The following BRAF variants were observed in gnomAD, a reference collection of about 807,000 sequenced individuals.
BRAF encodes serine/threonine-protein kinase B-raf.
Under a neutral mutation model 104.6 loss-of-function variants are expected in BRAF, and 16 were observed. That is an observed-to-expected ratio of 0.15 (90% CI 0.10 to 0.23). The LOEUF is 0.23. Ranked by LOEUF, BRAF falls within the 10% of genes least tolerant of loss-of-function variation. The probability of loss-of-function intolerance (pLI) is 1.00; values close to 1 mark genes in which losing one functional copy is unlikely to be tolerated. For missense variants in BRAF, 541 were observed against 937.3 expected (o/e 0.58, Z 5.52); for synonymous variants, 310 against 341.6 (o/e 0.91, Z 1.02).
At chr7:140,782,972 C>T (rs1402242281) in intron 11 of BRAF, 49 bp downstream of exon 10, 1 of 1,600,024 alleles carries the variant, frequency 6.2e-7, no homozygotes, top group Admixed American at 1.7e-5. Flanking sequence ...TTGGCTGTGA[C>T]TTCTAAGAAG....
intron 14 of BRAF, among the ~76,000 whole-genome samples, chr7:140,756,982 C>T (rs1412604955): frequency 4.6e-5 from 7 of 152,140 alleles, no homozygotes; most frequent in African/African-American, 7.2e-5. Flanking sequence ...TACTTCAGAT[C>T]GGATCTAACC....
chr7:140,726,566 CTA>C (rs1174090271), intron 19 of BRAF: 1 of 1,429,326 alleles, frequency 7.0e-7, no homozygotes, highest in Non-Finnish European at 9.5e-7. Flanking sequence ...CTCAAATAAC[CTA>C]GAGACACAGA....
chr7:140,813,292 A>AC (rs1341136330), intron 3 of BRAF, among the ~76,000 whole-genome samples: 3 of 152,176 alleles, frequency 2.0e-5, no homozygotes, highest in Non-Finnish European at 4.4e-5. Context: ...ACATATGAAA[A>AC]CATGTTCAGT....
intron 3 of BRAF, among the ~76,000 whole-genome samples, chr7:140,821,027 G>T (rs1425156076): frequency 6.6e-6 from 1 of 152,118 alleles, no homozygotes; most frequent in East Asian, 1.9e-4. Context: ...TTAAGACAGG[G>T]ACTCACTCAG....
At chr7:140,881,260 ACTT>A (rs1179753193) in intron 1 of BRAF, among the ~76,000 whole-genome samples, 19 of 152,178 alleles carry the variant, frequency 1.2e-4, no homozygotes, top group Non-Finnish European at 2.8e-4. Context: ...ACTGACTTCA[ACTT>A]AAAGTCACCA....
intron 8 of BRAF, among the ~76,000 whole-genome samples, chr7:140,791,830 A>T (rs1025046528): frequency 6.6e-6 from 1 of 152,192 alleles, no homozygotes; most frequent in Non-Finnish European, 1.5e-5. Context: ...TCTACTTCTC[A>T]TATTTTTCAC....
intron 1 of BRAF, among the ~76,000 whole-genome samples, chr7:140,895,568 A>G (rs1814785204): frequency 6.6e-6 from 1 of 152,184 alleles, no homozygotes; most frequent in Non-Finnish European, 1.5e-5. Flanking sequence ...AAATCTCCCC[A>G]GAGCTTCCAC....
chr7:140,899,610 T>G (rs1300191129), intron 1 of BRAF, among the ~76,000 whole-genome samples: 1 of 152,236 alleles, frequency 6.6e-6, no homozygotes, highest in African/African-American at 2.4e-5. Context: ...TTAAGGGTCA[T>G]TTCATATGTT....
intron 14 of BRAF, among the ~76,000 whole-genome samples, chr7:140,770,284 CCTT>C (rs1190667462): frequency 6.6e-6 from 1 of 151,882 alleles, no homozygotes; most frequent in Non-Finnish European, 1.5e-5. Flanking sequence ...TTTAATTAGT[CCTT>C]CTATCTTCAA....
chr7:140,720,770 AC>A lies in BRAF; in HGVS notation c.*5723del. 1 of 1,066,062 alleles carries A rather than the reference AC, an allele frequency of 9.4e-7. No individual in the cohort carries two copies. The highest frequency in any genetic ancestry group is 5.0e-5 in the East Asian group (1 of 20,168). 66.0% of individuals were successfully genotyped at this position (1,066,062 alleles called of 1,614,324 possible). The stretch of plus-strand genomic sequence containing the variant: ...TCCAACTCATACTCCACCAAAACAC[AC>A]GTGGGTTCAAAAACTTAACACAAAA... On this transcript the variant is annotated 3_prime_UTR_variant, in exon 20 of 20. Coordinates refer to ENST00000644969, the MANE Select transcript of BRAF (RefSeq NM_001374258.1).
In BRAF at chr7:140,790,994, G is replaced by A. The variant is rs191249598; in HGVS notation, c.1140+3314C>T. Among the ~76,000 whole-genome samples the A allele has an allele frequency of 2.2e-3, 341 of 152,224 alleles. No individual in the cohort carries two copies. The highest frequency in any genetic ancestry group is 3.9e-3 in the Non-Finnish European group (262 of 67,992). ...CGGGAGCCTGTAATCGCAGCTACTC[G>A]AGAGGCTGAGGCAGGAGAATTGCTT... On this transcript the variant is annotated intron_variant, in intron 8 of 19. Coordinates refer to ENST00000644969, the MANE Select transcript of BRAF (RefSeq NM_001374258.1).
chr7:140,844,709 T>C (rs993520084), intron 2 of BRAF, among the ~76,000 whole-genome samples: 37 of 152,272 alleles, frequency 2.4e-4, no homozygotes, highest in African/African-American at 8.9e-4. Context: ...GTGGATCACT[T>C]GAGGTCAGGA....
Position 140,719,589 on chromosome 7 carries a change from A to C in BRAF, c.*6905T>G. 1 of 1,059,572 alleles carries C rather than the reference A, an allele frequency of 9.4e-7. No individual in the cohort carries two copies. The highest frequency in any genetic ancestry group is 1.1e-6 in the Non-Finnish European group (1 of 874,878). The allele number at this position is 1,059,572 out of a possible 1,614,324, so 65.6% of individuals were successfully genotyped here. A position where few individuals can be genotyped will look rare whatever the true frequency, so the allele number is the denominator to read the frequency against. Reference sequence around the variant, plus strand: ...GGGACCTGAGCAGGAAAGAGAACCAAAGTATCAGGAAGTGGGTATGGGGGA... The same window carrying C: ...GGGACCTGAGCAGGAAAGAGAACCACAGTATCAGGAAGTGGGTATGGGGGA... On this transcript the variant is annotated 3_prime_UTR_variant, in exon 20 of 20. Coordinates refer to ENST00000644969, the MANE Select transcript of BRAF (RefSeq NM_001374258.1).
At chr7:140,864,409 C>A (rs1324851234) in intron 1 of BRAF, among the ~76,000 whole-genome samples, 1 of 152,128 alleles carries the variant, frequency 6.6e-6, no homozygotes, top group Non-Finnish European at 1.5e-5. Context: ...AGCATTATGT[C>A]ACCAACAGGA....
At chr7:140,751,658 AATACAGATCTT>A (rs1225936036) in intron 16 of BRAF, among the ~76,000 whole-genome samples, 16 of 152,174 alleles carry the variant, frequency 1.1e-4, no homozygotes, top group Non-Finnish European at 2.4e-4. Context: ...AGGGTACCAG[AATACAGATCTT>A]CTAAGTCCAA....
rs555268451 is a variant in BRAF, at chr7:140,759,514, G to C, written c.1815-5281C>G. ...TGATTCTCCCGCCTCAGCCTCCCAAGTAGCTGGGATTACAGGCAAGTACCA... is the reference window on the plus strand; with the variant it reads ...TGATTCTCCCGCCTCAGCCTCCCAACTAGCTGGGATTACAGGCAAGTACCA... On this transcript the variant is annotated intron_variant, in intron 14 of 19. Transcript: ENST00000644969. 2.0e-5 allele frequency among the ~76,000 whole-genome samples: 3 copies of C among 152,330 alleles called. No individual in the cohort carries two copies. The South Asian group carries it at 6.2e-4, about 32-fold the overall frequency.
At chr7:140,842,380 A>G (rs544821736) in intron 2 of BRAF, among the ~76,000 whole-genome samples, 33 of 152,346 alleles carry the variant, frequency 2.2e-4, no homozygotes, top group Admixed American at 9.8e-4. Context: ...TATGATTAGT[A>G]CCTGATACAT....
intron 3 of BRAF, among the ~76,000 whole-genome samples, chr7:140,833,801 C>T (rs951750615): frequency 3.9e-5 from 6 of 152,052 alleles, no homozygotes; most frequent in Non-Finnish European, 8.8e-5. Flanking sequence ...CTCGTAACTC[C>T]ATTAGTTTTC....
intron 13 of BRAF, 88 bp from the exon 13 acceptor site, chr7:140,777,176 A>C: frequency 1.4e-6 from 2 of 1,428,864 alleles, no homozygotes; most frequent in Non-Finnish European, 1.9e-6. Flanking sequence ...CTGTCGGTAA[A>C]ATGTTGTCAG....
Sources: gnomAD v4.1 joint callset for allele counts (sites outside exome capture counted in the v4.1 genomes callset) on GRCh38, gnomAD v4.1.1 for gene constraint, MANE v1.5 for transcripts, NCBI Gene and HGNC (gene_info 2026-07-23, HGNC 2026-07-21) for gene names.